ELMO1: variants seen among roughly 807,000 people sequenced by gnomAD.
ELMO1 encodes engulfment and cell motility 1.
Under a neutral mutation model 98.9 loss-of-function variants are expected in ELMO1, and 26 were observed. The observed-to-expected ratio is 0.26, with a 90% CI of 0.19 to 0.36. ELMO1 has a LOEUF of 0.36. ELMO1 is among the 10% of genes least tolerant of loss of function. The pLI, the probability that ELMO1 is intolerant of heterozygous loss-of-function variation, is 1.00. For synonymous variants in ELMO1, 346 were observed against 346.0 expected (o/e 1.00, Z 0.00); for missense variants, 627 against 935.2 (o/e 0.67, Z 4.30).
chr7:37,169,222 G>A (rs887492480), intron 13 of ELMO1, among the ~76,000 whole-genome samples: 5 of 152,272 alleles, frequency 3.3e-5, no homozygotes, highest in African/African-American at 2.4e-5. Flanking sequence ...GGAATGACCC[G>A]ATTTTCCAGG....
At chr7:37,339,774 C>T (rs542499255) in intron 2 of ELMO1, among the ~76,000 whole-genome samples, 1 of 151,990 alleles carries the variant, frequency 6.6e-6, no homozygotes, top group African/African-American at 2.4e-5. Flanking sequence ...TAATAGGAGG[C>T]CTATAATTTA....
At position 36,855,456 on chromosome 7, in the gene ELMO1, A is replaced by G. The variant is rs1304291332; in HGVS notation, c.*95T>C. ...TGTGGACCCACAGCTTCCCTTTACC[A>G]AAGGACGGTTCCAAGGCGTGGGTGT... On this transcript the variant is annotated 3_prime_UTR_variant, in exon 22 of 22. Coordinates refer to ENST00000310758, the MANE Select transcript of ELMO1 (RefSeq NM_014800.11). The surrounding 1 kb of genome is among the most constrained non-coding windows in gnomAD (Gnocchi z 4.2). The G allele has an allele frequency of 2.4e-5, 36 of 1,510,444 alleles. No homozygotes were observed. The highest frequency in any genetic ancestry group is 2.9e-5 in the Non-Finnish European group (32 of 1,097,096). 93.6% of individuals were successfully genotyped at this position (1,510,444 alleles called of 1,614,324 possible).
intron 4 of ELMO1, among the ~76,000 whole-genome samples, chr7:37,274,929 TA>T (rs1796752573): frequency 6.6e-6 from 1 of 152,180 alleles, no homozygotes; most frequent in African/African-American, 2.4e-5. Context: ...AACTAACATT[TA>T]TTGAAAGGAA....
intron 19 of ELMO1, among the ~76,000 whole-genome samples, chr7:36,875,507 T>G (rs1803879582): frequency 6.6e-6 from 1 of 152,230 alleles, no homozygotes. Context: ...TTGGAGCAGC[T>G]CTTTGGAACT....
At chr7:37,186,903 C>T (rs1584780249) in intron 13 of ELMO1, among the ~76,000 whole-genome samples, 1 of 152,122 alleles carries the variant, frequency 6.6e-6, no homozygotes, top group Non-Finnish European at 1.5e-5. Context: ...CTGGCATTTC[C>T]TCAAATGGTT....
chr7:37,435,536 A>T (rs571158825), intron 1 of ELMO1, among the ~76,000 whole-genome samples: 1 of 152,362 alleles, frequency 6.6e-6, no homozygotes, highest in Non-Finnish European at 1.5e-5. Context: ...ATCTAGTCAT[A>T]AAAAATTGTC....
intron 16 of ELMO1, among the ~76,000 whole-genome samples, chr7:37,002,944 C>G (rs1325829837): frequency 6.6e-6 from 1 of 152,200 alleles, no homozygotes. Flanking sequence ...TCAGGGGCAT[C>G]TGAGTGAGTT....
At chr7:37,395,628 C>T (rs1803265962) in intron 1 of ELMO1, among the ~76,000 whole-genome samples, 1 of 152,178 alleles carries the variant, frequency 6.6e-6, no homozygotes, top group South Asian at 2.1e-4. Context: ...AGGAACTGTA[C>T]ATTTACATGA....
In ELMO1 at chr7:37,060,301, T is replaced by C. The variant is rs551283240; in HGVS notation, c.1300+36318A>G. Among the ~76,000 whole-genome samples, 6 of 152,292 alleles carry C rather than the reference T, an allele frequency of 3.9e-5. No homozygotes were observed. The South Asian group carries it at 1.2e-3, about 32-fold the overall frequency. ...GGAATTTTAAACGATAGACCAAACA[T>C]ATACACCATGGAATACTACACAGCC... is the stretch of plus-strand genomic sequence containing the variant. On this transcript the variant is annotated intron_variant, in intron 15 of 21. Coordinates refer to ENST00000310758, the MANE Select transcript of ELMO1 (RefSeq NM_014800.11).
chr7:37,121,654 T>C (rs1347089207), intron 14 of ELMO1, among the ~76,000 whole-genome samples: 1 of 152,176 alleles, frequency 6.6e-6, no homozygotes, highest in Non-Finnish European at 1.5e-5. Context: ...GTCTGATTGG[T>C]GTACCTGAAA....
chr7:36,872,559 G>A (rs1803616367), intron 19 of ELMO1, among the ~76,000 whole-genome samples: 1 of 152,304 alleles, frequency 6.6e-6, no homozygotes, highest in South Asian at 2.1e-4. Flanking sequence ...CTTGGGGTTG[G>A]CATCTTCCTG....
chr7:37,108,848 AG>A (rs1387070891), intron 14 of ELMO1, among the ~76,000 whole-genome samples: 6 of 152,208 alleles, frequency 3.9e-5, no homozygotes, highest in Non-Finnish European at 8.8e-5. Flanking sequence ...CAGAAGGTTC[AG>A]TCACCTTCTC....
At chr7:37,288,891 A>G (rs2257188) in intron 4 of ELMO1, among the ~76,000 whole-genome samples, 66,844 of 152,076 alleles carry the variant, frequency 0.44, 15,153 homozygotes, top group Middle Eastern at 0.57. Context: ...ATGGCCAAGC[A>G]CTTAGCAGGG....
chr7:36,920,046 C>T (rs1000730842), intron 16 of ELMO1, among the ~76,000 whole-genome samples: 1 of 152,138 alleles, frequency 6.6e-6, no homozygotes, highest in South Asian at 2.1e-4. Flanking sequence ...GGAATGATGT[C>T]CAATCACTTT....
At chr7:37,259,452 G>A (rs539254757) in intron 5 of ELMO1, 102 bp from the exon 6 acceptor site, 14 of 1,310,954 alleles carry the variant, frequency 1.1e-5, no homozygotes, top group Middle Eastern at 1.9e-4. Flanking sequence ...AGCCAAAAGC[G>A]CAAGACTATC....
intron 15 of ELMO1, among the ~76,000 whole-genome samples, chr7:37,036,223 A>AT (rs112052785): frequency 5.9e-5 from 9 of 151,932 alleles, no homozygotes; most frequent in African/African-American, 2.2e-4. Context: ...GAAAAAAAAA[A>AT]CCATGCATAA....
intron 4 of ELMO1, among the ~76,000 whole-genome samples, chr7:37,286,308 A>T (rs1056041985): frequency 1.3e-5 from 2 of 152,230 alleles, no homozygotes; most frequent in Non-Finnish European, 2.9e-5. Flanking sequence ...CTGCTGTGGC[A>T]TTAGCCACCC....
intron 1 of ELMO1, among the ~76,000 whole-genome samples, chr7:37,435,572 C>T (rs1234099471): frequency 6.6e-6 from 1 of 152,198 alleles, no homozygotes; most frequent in African/African-American, 2.4e-5. Flanking sequence ...GAGATAAAAA[C>T]AAATCTGAGA....
intron 16 of ELMO1, among the ~76,000 whole-genome samples, chr7:36,976,008 T>A (rs768275034): frequency 6.6e-6 from 1 of 152,138 alleles, no homozygotes; most frequent in Non-Finnish European, 1.5e-5. Flanking sequence ...TGAATAGGGG[T>A]CAATAGGATT....
Sources: gnomAD v4.1 joint callset for allele counts (sites outside exome capture counted in the v4.1 genomes callset) on GRCh38, gnomAD v4.1.1 for gene constraint, Gnocchi (gnomAD v3.1) non-coding constraint, MANE v1.5 for transcripts, NCBI Gene and HGNC (gene_info 2026-07-23, HGNC 2026-07-21) for gene names.